SRRD: variants seen among roughly 807,000 people sequenced by gnomAD.
SRRD encodes SRR1-like protein.
Under a neutral mutation model 30.7 loss-of-function variants are expected in SRRD, and 28 were observed. That is an observed-to-expected ratio of 0.91 (90% CI 0.68 to 1.25). The LOEUF (loss-of-function observed/expected upper bound fraction) is 1.25, where lower values mean the gene tolerates loss of function less well. Among genes scored for constraint, SRRD ranks in the 50% most tolerant of loss-of-function variants. The pLI, the probability that SRRD is intolerant of heterozygous loss-of-function variation, is 0.00. For missense variants in SRRD, 415 were observed against 417.3 expected (o/e 0.99, Z 0.05); for synonymous variants, 161 against 159.6 (o/e 1.01, Z -0.07).
In SRRD at chr22:26,491,631, A is replaced by C; in HGVS notation, c.979A>C (p.Ile327Leu). Residue 327 changes from isoleucine (I) to leucine (L), a missense_variant, in exon 7 of 7, where the codon ATC (isoleucine) becomes CTC (leucine). Transcript: ENST00000215917. ...PDYQDCEDLE[I>L]IRNKREDPSA... ...TTATCAGGACTGTGAGGACCTTGAAATCATCAGGAACAAGAGAGAAGATCC... is the reference window on the plus strand; with the variant it reads ...TTATCAGGACTGTGAGGACCTTGAACTCATCAGGAACAAGAGAGAAGATCC... 6.2e-7 allele frequency: 1 copy of C among 1,613,684 alleles called. No homozygotes were observed. Among genetic ancestry groups the C allele is most frequent in the Non-Finnish European group, 8.5e-7 (1 of 1,180,044 alleles).
At chr22:26,489,932 C>T (rs1920988295) in intron 4 of SRRD, 112 bp from the exon 5 acceptor site, 2 of 1,255,650 alleles carry the variant, frequency 1.6e-6, no homozygotes, top group Non-Finnish European at 2.2e-6. Flanking sequence ...GAGCTTTTTT[C>T]CTTTTGATCC....
rs180739776 is a variant in SRRD, at chr22:26,491,947, T to C, written c.*275T>C. ...TACCCTTTTGAAGGTGATCTAAAAA[T>C]ACTGTTTATTTACAGTACATCCCTC... On this transcript the variant is annotated 3_prime_UTR_variant, in exon 7 of 7. Transcript: ENST00000215917. 594 of 1,433,488 alleles carry C rather than the reference T, an allele frequency of 4.1e-4. 1 individual carries two copies. The African/African-American group carries it at 4.8e-3, about 12-fold the overall frequency. 88.8% of individuals were successfully genotyped at this position (1,433,488 alleles called of 1,614,324 possible).
In SRRD at chr22:26,488,413, A is replaced by G. The variant is rs1205105928; in HGVS notation, c.534A>G (p.Val178=). Residue 178 remains valine (V), a synonymous_variant, in exon 4 of 7, where the codon GTA becomes GTG. Transcript: ENST00000215917. ...KCQIPRSHCW[V]YDPLFSQLEI... ...AGATTCCCAGAAGTCACTGTTGGGT[A>G]TATGACCCTCTGTTTAGCCAACTTG... The G allele has an allele frequency of 5.6e-6, 9 of 1,614,206 alleles. No homozygotes were observed. Among genetic ancestry groups the G allele is most frequent in the Non-Finnish European group, 7.6e-6 (9 of 1,180,014 alleles).
In SRRD at chr22:26,488,103, G is replaced by C. The variant is rs1275603288; in HGVS notation, c.325G>C (p.Gly109Arg). Reference sequence around the variant, plus strand: ...TGTGGGGACTCTTTCAGACATCTTTGGAAACCTGCATCTTGACTCATTGCC... The same window carrying C: ...TGTGGGGACTCTTTCAGACATCTTTCGAAACCTGCATCTTGACTCATTGCC... ...APVGTLSDIF[G>R]NLHLDSLPEE... The change falls in exon 3 of 7, where the codon GGA becomes CGA. Residue 109 changes from glycine (G) to arginine (R), a missense_variant. Gly to Arg is a moderately radical substitution (Grantham distance 125, BLOSUM62 -2). Coordinates refer to ENST00000215917, the MANE Select transcript of SRRD (RefSeq NM_001013694.3). The C allele has an allele frequency of 1.2e-6, 2 of 1,614,172 alleles. No individual in the cohort carries two copies. The highest frequency in any genetic ancestry group is 2.2e-5 in the East Asian group (1 of 44,882).
chr22:26,485,958 A>G, intron 1 of SRRD, 65 bp from the exon 2 acceptor site: 1 of 1,598,460 alleles, frequency 6.3e-7, no homozygotes, highest in Non-Finnish European at 8.6e-7. Context: ...CATGATCAGG[A>G]AAGTTACTGT....
chr22:26,494,315 G>T lies in SRRD; in HGVS notation c.*2643G>T. 1 of 1,614,190 alleles carries T rather than the reference G, an allele frequency of 6.2e-7. No homozygotes were observed. On this transcript the variant is annotated 3_prime_UTR_variant, in exon 7 of 7. Transcript: ENST00000215917. Reference sequence around the variant, plus strand: ...CCAAGAGCACAGCACCTGCCAAAAAGAAAAATTACTTGCATCCATCGTGGC... The same window carrying T: ...CCAAGAGCACAGCACCTGCCAAAAATAAAAATTACTTGCATCCATCGTGGC...
chr22:26,484,900 T>G (rs899139985), intron 1 of SRRD, among the ~76,000 whole-genome samples: 7 of 152,222 alleles, frequency 4.6e-5, no homozygotes, highest in Non-Finnish European at 8.8e-5. Context: ...AGTTAGCACT[T>G]AAGATCAGCA....
Position 26,491,767 on chromosome 22 carries a change from G to A in SRRD, c.*95G>A. Reference sequence around the variant, plus strand: ...TGGAGGAACTACAGAGAACTCCTTTGCCAGGAAAGAACATCAACTTGGCTG... The same window carrying A: ...TGGAGGAACTACAGAGAACTCCTTTACCAGGAAAGAACATCAACTTGGCTG... On this transcript the variant is annotated 3_prime_UTR_variant, in exon 7 of 7. Transcript: ENST00000215917. 1 of 1,206,420 alleles carries A rather than the reference G, an allele frequency of 8.3e-7. No individual in the cohort carries two copies. The highest frequency in any genetic ancestry group is 2.5e-5 in the East Asian group (1 of 40,576). 74.7% of individuals were successfully genotyped at this position (1,206,420 alleles called of 1,614,324 possible).
In SRRD at chr22:26,488,222, C is replaced by G. The variant is rs201575467; in HGVS notation, c.444C>G (p.Asn148Lys). The G allele has an allele frequency of 1.2e-6, 2 of 1,614,224 alleles. No individual in the cohort carries two copies. Among genetic ancestry groups the G allele is most frequent in the Non-Finnish European group, 1.7e-6 (2 of 1,180,042 alleles). Residue 148 changes from asparagine (N) to lysine (K), a missense_variant, in exon 3 of 7, where the codon AAC becomes AAG. Asn to Lys is a moderately conservative substitution (Grantham distance 94). Coordinates refer to ENST00000215917, the MANE Select transcript of SRRD (RefSeq NM_001013694.3). Reference protein sequence around the residue: ...HLKCVCYGIGNFATCIVARNQ... With the variant: ...HLKCVCYGIGKFATCIVARNQ... ...AGTGTGTGTGTTACGGCATTGGGAA[C>G]TTTGCCACCTGCATCGTAGCTAGAA...
Position 26,488,297 on chromosome 22 carries a change from T to C in SRRD, c.510+9T>C. 1 of 1,613,090 alleles carries C rather than the reference T, an allele frequency of 6.2e-7. No homozygotes were observed. The highest frequency in any genetic ancestry group is 8.5e-7 in the Non-Finnish European group (1 of 1,179,122). On this transcript the variant is annotated intron_variant, in intron 3 of 6. Transcript: ENST00000215917. The stretch of plus-strand genomic sequence containing the variant: ...TGTTGGAAAAGTGCCAGGTACATTT[T>C]TGGATTCATTTTCATCTCCTCCTCC...
Position 26,490,559 on chromosome 22 carries a change from CTTTTTTT to C in SRRD, c.764+377_764+383del, listed in dbSNP as rs71192931. ...ATGGGCACAATTACTGGAATATTTG[CTTTTTTT>C]TTTTTTTTTTTTTTTGAGATGGAGT... On this transcript the variant is annotated intron_variant, in intron 5 of 6. Coordinates refer to ENST00000215917, the MANE Select transcript of SRRD (RefSeq NM_001013694.3). 7.1e-4 allele frequency among the ~76,000 whole-genome samples: 37 copies of C among 51,848 alleles called. 1 individual carries two copies. Among genetic ancestry groups the C allele is most frequent in the South Asian group, 1.0e-3 (1 of 964 alleles). The allele number at this position is 51,848 out of a possible 152,430, so 34.0% of individuals were successfully genotyped here. A position where few individuals can be genotyped will look rare whatever the true frequency, so the allele number is the denominator to read the frequency against.
chr22:26,490,559 CTTTTTTTT>C (rs71192931), intron 5 of SRRD, among the ~76,000 whole-genome samples: 3 of 51,832 alleles, frequency 5.8e-5, no homozygotes, highest in African/African-American at 7.3e-5. Flanking sequence ...GGAATATTTG[CTTTTTTTT>C]TTTTTTTTTT....
Position 26,494,343 on chromosome 22 carries a change from C to T in SRRD, c.*2671C>T. ...AAATTACTTGCATCCATCGTGGCAACAAATGAAGGCAAGATTTCTGAAGTG... is the reference window on the plus strand; with the variant it reads ...AAATTACTTGCATCCATCGTGGCAATAAATGAAGGCAAGATTTCTGAAGTG... On this transcript the variant is annotated 3_prime_UTR_variant, in exon 7 of 7. Transcript: ENST00000215917. 1 of 1,613,470 alleles carries T rather than the reference C, an allele frequency of 6.2e-7. No individual in the cohort carries two copies. Among genetic ancestry groups the T allele is most frequent in the Non-Finnish European group, 8.5e-7 (1 of 1,179,506 alleles).
chr22:26,485,368 A>C (rs2091684254), intron 1 of SRRD, among the ~76,000 whole-genome samples: 1 of 152,208 alleles, frequency 6.6e-6, no homozygotes, highest in Non-Finnish European at 1.5e-5. Context: ...GCCGACTTTC[A>C]ATTCTCTGTA....
chr22:26,488,496 G>T lies in SRRD; in HGVS notation c.609+8G>T, dbSNP rs994621202. On this transcript the variant is annotated splice_region_variant and intron_variant, in intron 4 of 6. Transcript: ENST00000215917. The stretch of plus-strand genomic sequence containing the variant: ...GTTCTCAGTGAGAACGAGGTAAGTG[G>T]TTTAAAGGGGAGCAGACAGAACTGT... 6.2e-7 allele frequency: 1 copy of T among 1,603,530 alleles called. No homozygotes were observed. The highest frequency in any genetic ancestry group is 8.5e-7 in the Non-Finnish European group (1 of 1,170,324).
In SRRD at chr22:26,494,286, T is replaced by C. The variant is rs375290632; in HGVS notation, c.*2614T>C. 1.9e-6 allele frequency: 3 copies of C among 1,614,124 alleles called. No individual in the cohort carries two copies. The highest frequency in any genetic ancestry group is 1.3e-5 in the African/African-American group (1 of 74,942). On this transcript the variant is annotated 3_prime_UTR_variant, in exon 7 of 7. Transcript: ENST00000215917. ...ATCTCCTCATAATTTGGGCTGTTAC[T>C]GAGCCAAGAGCACAGCACCTGCCAA...
intron 2 of SRRD, among the ~76,000 whole-genome samples, chr22:26,487,821 G>A (rs1193732930): frequency 1.3e-5 from 2 of 152,166 alleles, no homozygotes; most frequent in African/African-American, 4.8e-5. Flanking sequence ...CCAGGGGCCG[G>A]GACAGTTTGT....
chr22:26,488,694 CAGAT>C, intron 4 of SRRD, among the ~76,000 whole-genome samples: 1 of 152,342 alleles, frequency 6.6e-6, no homozygotes, highest in East Asian at 1.9e-4. Flanking sequence ...AAAAATTACA[CAGAT>C]AGCATGAACC....
At chr22:26,490,331 G>A in intron 5 of SRRD, 133 bp downstream of exon 5, 1 of 1,077,476 alleles carries the variant, frequency 9.3e-7, no homozygotes. Context: ...ACTGGATGAA[G>A]GCTTAAAGAC....
Sources: allele counts gnomAD v4.1 joint callset (sites outside exome capture counted in the v4.1 genomes callset), GRCh38; gene constraint gnomAD v4.1.1; transcripts MANE v1.5; gene names NCBI Gene and HGNC (gene_info 2026-07-23, HGNC 2026-07-21).